Variants in SPTLC1 observed in about 807,000 individuals in gnomAD.
SPTLC1 encodes serine palmitoyltransferase long chain base subunit 1.
A neutral mutation model predicts 68.9 loss-of-function variants in SPTLC1; 55 were observed. That is an observed-to-expected ratio of 0.80 (90% CI 0.64 to 1.00). The LOEUF is 1.00. SPTLC1 is among the 50% of genes least tolerant of loss of function. The pLI is 0.00. For synonymous variants in SPTLC1, 197 were observed against 201.6 expected (o/e 0.98, Z 0.19); for missense variants, 449 against 573.1 (o/e 0.78, Z 2.21).
intron 3 of SPTLC1, among the ~76,000 whole-genome samples, chr9:92,085,215 G>A (rs1297231739): frequency 6.7e-6 from 1 of 150,342 alleles, no homozygotes; most frequent in East Asian, 2.0e-4. Flanking sequence ...TTAATTTTTT[G>A]AAGGGTTTTT....
At chr9:92,048,362 C>T (rs1399900983) in intron 9 of SPTLC1, among the ~76,000 whole-genome samples, 1 of 152,230 alleles carries the variant, frequency 6.6e-6, no homozygotes, top group East Asian at 1.9e-4. Context: ...TCAATCATTA[C>T]TTACTGATGG....
chr9:92,094,674 T>C (rs1182110259), intron 3 of SPTLC1, among the ~76,000 whole-genome samples: 1 of 152,218 alleles, frequency 6.6e-6, no homozygotes, highest in Non-Finnish European at 1.5e-5. Flanking sequence ...AGTTTTATCG[T>C]CCTTCCAATT....
At chr9:92,036,416 C>T (rs571399798) in intron 13 of SPTLC1, among the ~76,000 whole-genome samples, 1 of 152,352 alleles carries the variant, frequency 6.6e-6, no homozygotes, top group African/African-American at 2.4e-5. Context: ...AAGACTTTAG[C>T]TGTTGCTATC....
intron 8 of SPTLC1, chr9:92,051,441 C>T (rs927205488): frequency 5.7e-6 from 1 of 174,056 alleles, no homozygotes; most frequent in African/African-American, 2.4e-5. Context: ...TGATAAAACA[C>T]TCAATAAATT....
chr9:92,093,908 A>T (rs1202178799), intron 3 of SPTLC1, among the ~76,000 whole-genome samples: 1 of 152,254 alleles, frequency 6.6e-6, no homozygotes, highest in Non-Finnish European at 1.5e-5. Context: ...TCTAGAATTC[A>T]TGAGAACTGT....
chr9:92,051,214 A>G, intron 8 of SPTLC1: 1 of 980,838 alleles, frequency 1.0e-6, no homozygotes, highest in Non-Finnish European at 1.2e-6. Context: ...GAAATAGTGA[A>G]AACATTTAAA....
intron 3 of SPTLC1, among the ~76,000 whole-genome samples, chr9:92,098,913 T>C (rs1835642097): frequency 6.6e-6 from 1 of 152,002 alleles, no homozygotes; most frequent in South Asian, 2.1e-4. Flanking sequence ...GTGAATCTAA[T>C]AGATAACTAA....
At chr9:92,115,254 G>A (rs1662846156) in intron 1 of SPTLC1, 60 bp downstream of exon 1, 3 of 1,555,382 alleles carry the variant, frequency 1.9e-6, no homozygotes, top group East Asian at 2.2e-5. Flanking sequence ...ATCCACACGC[G>A]TCCTCCCACC....
chr9:92,082,100 T>C (rs990449417), intron 3 of SPTLC1, among the ~76,000 whole-genome samples: 3 of 152,172 alleles, frequency 2.0e-5, no homozygotes, highest in East Asian at 3.8e-4. Context: ...TCTGTGATTC[T>C]CAGTTTCTTC....
At position 92,114,952 on chromosome 9, in the gene SPTLC1, C is replaced by T. The variant is rs574635054; in HGVS notation, c.57+362G>A. 18 of 370,342 alleles carry T rather than the reference C, an allele frequency of 4.9e-5. No homozygotes were observed. In the East Asian group the frequency reaches 1.1e-3, roughly 22 times the overall value. 22.9% of individuals were successfully genotyped at this position (370,342 alleles called of 1,614,324 possible). A position where few individuals can be genotyped will look rare whatever the true frequency, so the allele number is the denominator to read the frequency against. Reference sequence around the variant, plus strand: ...TTCCAAAGAGCTGACTTCCTTAGGACCTTCCCAGACGAAGGTGTTCCACTC... The same window carrying T: ...TTCCAAAGAGCTGACTTCCTTAGGATCTTCCCAGACGAAGGTGTTCCACTC... On this transcript the variant is annotated intron_variant, in intron 1 of 14. Transcript: ENST00000262554.
intron 3 of SPTLC1, among the ~76,000 whole-genome samples, chr9:92,091,797 A>G (rs993257830): frequency 6.6e-6 from 1 of 152,220 alleles, no homozygotes; most frequent in East Asian, 1.9e-4. Flanking sequence ...CCAATTATGT[A>G]CAAAAGAACT....
chr9:92,066,970 A>G (rs1481410848), intron 6 of SPTLC1, among the ~76,000 whole-genome samples: 1 of 151,676 alleles, frequency 6.6e-6, no homozygotes, highest in Non-Finnish European at 1.5e-5. Flanking sequence ...ACAAGAGTGA[A>G]ACTCCATCTC....
intron 3 of SPTLC1, among the ~76,000 whole-genome samples, chr9:92,090,108 G>A (rs2118735728): frequency 6.6e-6 from 1 of 152,316 alleles, no homozygotes; most frequent in African/African-American, 2.4e-5. Flanking sequence ...CAAAGAAGCT[G>A]CACGGATAAA....
In SPTLC1 at chr9:92,115,351, T is replaced by C; in HGVS notation, c.20A>G (p.Gln7Arg). The C allele has an allele frequency of 1.2e-6, 2 of 1,612,948 alleles. No homozygotes were observed. Among genetic ancestry groups the C allele is most frequent in the Non-Finnish European group, 1.7e-6 (2 of 1,179,964 alleles). ...CTGTACCATCTCCACCAGAACCCAC[T>C]GCTCCGTGGCGGTCGCCATAGTTAG... MATATEQWVLVEMVQAL... is the reference protein window; with the variant it reads MATATERWVLVEMVQAL... Residue 7 changes from glutamine to arginine, a missense_variant, in exon 1 of 15, where the codon CAG becomes CGG. Coordinates refer to ENST00000262554, the MANE Select transcript of SPTLC1 (RefSeq NM_006415.4).
intron 8 of SPTLC1, among the ~76,000 whole-genome samples, chr9:92,054,688 G>C (rs892276688): frequency 1.3e-5 from 2 of 152,216 alleles, no homozygotes; most frequent in African/African-American, 4.8e-5. Context: ...GCCCAGGCGG[G>C]CAGATCATGA....
intron 6 of SPTLC1, among the ~76,000 whole-genome samples, chr9:92,063,147 G>A (rs937515012): frequency 2.0e-5 from 3 of 152,090 alleles, no homozygotes; most frequent in African/African-American, 7.2e-5. Flanking sequence ...GAAAACAGGA[G>A]AAAAGGCACA....
intron 5 of SPTLC1, among the ~76,000 whole-genome samples, chr9:92,074,235 C>G (rs1834597213): frequency 6.6e-6 from 1 of 152,060 alleles, no homozygotes; most frequent in South Asian, 2.1e-4. Context: ...GGGCCTGTTT[C>G]CCTTGCCCCC....
intron 3 of SPTLC1, 75 bp from the exon 4 acceptor site, chr9:92,081,038 C>T: frequency 8.9e-7 from 1 of 1,127,042 alleles, no homozygotes; most frequent in South Asian, 1.3e-5. Flanking sequence ...TGGTGGTAGG[C>T]ACAACAACAT....
intron 3 of SPTLC1, among the ~76,000 whole-genome samples, chr9:92,097,831 T>A (rs1835586104): frequency 6.6e-6 from 1 of 152,158 alleles, no homozygotes; most frequent in African/African-American, 2.4e-5. Flanking sequence ...AGATTACGTA[T>A]CAATACAGCT....
Sources: allele counts gnomAD v4.1 joint callset (sites outside exome capture counted in the v4.1 genomes callset), GRCh38; gene constraint gnomAD v4.1.1; transcripts MANE v1.5; gene names NCBI Gene and HGNC (gene_info 2026-07-23, HGNC 2026-07-21).